The following WBP11 variants were observed in gnomAD, a reference collection of about 807,000 sequenced individuals.
WBP11 encodes WW domain binding protein 11.
A neutral mutation model predicts 66.7 loss-of-function variants in WBP11; 12 were observed. The ratio of observed to expected loss-of-function variants is 0.18; its 90% CI spans 0.12 to 0.29. The LOEUF (loss-of-function observed/expected upper bound fraction) is 0.29. Ranked by LOEUF, WBP11 falls within the 10% of genes least tolerant of loss-of-function variation. WBP11 has a pLI of 1.00. For synonymous variants in WBP11, 255 were observed against 273.8 expected (o/e 0.93, Z 0.68); for missense variants, 555 against 818.3 (o/e 0.68, Z 3.93).
chr12:14,800,446 C>T (rs1949947289), intron 3 of WBP11, among the ~76,000 whole-genome samples: 1 of 151,852 alleles, frequency 6.6e-6, no homozygotes, highest in Non-Finnish European at 1.5e-5. Flanking sequence ...TATTTCCATC[C>T]TCATCAGTAG....
chr12:14,787,111 T>A lies in WBP11; in HGVS notation c.1880A>T (p.Asp627Val). ...TTTCATGAAAGCCTCATAGACATCATCCTTAGTTTGTACTGAGACAGGAAC... is the reference window on the plus strand; with the variant it reads ...TTTCATGAAAGCCTCATAGACATCAACCTTAGTTTGTACTGAGACAGGAAC... ...PSVPVSVQTK[D>V]DVYEAFMKEM... Residue 627 changes from aspartate (D) to valine (V), a missense_variant, in exon 12 of 12, where the codon GAT becomes GTT. Transcript: ENST00000261167. 6.2e-7 allele frequency: 1 copy of A among 1,613,690 alleles called. No homozygotes were observed. The highest frequency in any genetic ancestry group is 8.5e-7 in the Non-Finnish European group (1 of 1,179,908).
chr12:14,791,278 G>T lies in WBP11; in HGVS notation c.914-8C>A, dbSNP rs766362386. 2.5e-6 allele frequency: 4 copies of T among 1,612,928 alleles called. No homozygotes were observed. The highest frequency in any genetic ancestry group is 2.2e-5 in the East Asian group (1 of 44,858). On this transcript the variant is annotated splice_region_variant and splice_polypyrimidine_tract_variant and intron_variant, in intron 8 of 11. Coordinates refer to ENST00000261167, the MANE Select transcript of WBP11 (RefSeq NM_016312.3). Reference sequence around the variant, plus strand: ...CAAACCGTACACTCAGACCTAAGGGGACAAAGGAGGGAGTGGAGTAGATTG... The same window carrying T: ...CAAACCGTACACTCAGACCTAAGGGTACAAAGGAGGGAGTGGAGTAGATTG...
chr12:14,788,152 T>C (rs569454967), intron 11 of WBP11, among the ~76,000 whole-genome samples: 1 of 152,204 alleles, frequency 6.6e-6, no homozygotes, highest in South Asian at 2.1e-4. Context: ...GGCAGGAGAA[T>C]TGCTTGAACC....
At position 14,794,576 on chromosome 12, in the gene WBP11, G is replaced by A. The variant is rs1267493404; in HGVS notation, c.682C>T (p.Arg228Cys). 8.1e-6 allele frequency: 13 copies of A among 1,613,988 alleles called. No homozygotes were observed. Among genetic ancestry groups the A allele is most frequent in the East Asian group, 4.5e-5 (2 of 44,874 alleles). ...KVGFALDLPPRRRDEDMLYSP... is the reference protein window; with the variant it reads ...KVGFALDLPPCRRDEDMLYSP... ...TATAACATGTCTTCATCTCGCCTAC[G>A]AGGGGGAAGATCTAGGGCAAAACCC... The change falls in exon 7 of 12, where the codon CGT (arginine) becomes TGT (cysteine). Residue 228 changes from arginine to cysteine, a missense_variant. Arg to Cys is a radical substitution (Grantham distance 180). This residue lies in a region of WBP11 where 220 missense variants were observed against 268.2 expected (regional missense o/e 0.82). Coordinates refer to ENST00000261167, the MANE Select transcript of WBP11 (RefSeq NM_016312.3).
In WBP11 at chr12:14,796,836, G is replaced by C; in HGVS notation, c.358C>G (p.Gln120Glu). 1 of 1,597,680 alleles carries C rather than the reference G, an allele frequency of 6.3e-7. No individual in the cohort carries two copies. Among genetic ancestry groups the C allele is most frequent in the Non-Finnish European group, 8.5e-7 (1 of 1,175,390 alleles). Residue 120 changes from glutamine (Q) to glutamate (E), a missense_variant, in exon 5 of 12, where the codon CAA (glutamine) becomes GAA (glutamate). Coordinates refer to ENST00000261167, the MANE Select transcript of WBP11 (RefSeq NM_016312.3). The surrounding 1 kb of genome is among the most constrained non-coding windows in gnomAD (Gnocchi z 4.5). ...ACAGCATCAAAATATTGGCTAAGTT[G>C]AGCCCTCTTCTGTTCATATTCTACT... ...LEVEYEQKRA[Q>E]LSQYFDAVKN...
intron 3 of WBP11, among the ~76,000 whole-genome samples, chr12:14,800,245 C>A (rs1255811028): frequency 2.0e-5 from 3 of 151,952 alleles, no homozygotes; most frequent in Admixed American, 2.0e-4. Context: ...TAAGGCAAAT[C>A]CTTTCTAATT....
At position 14,787,433 on chromosome 12, in the gene WBP11, G is replaced by C. The variant is rs755159256; in HGVS notation, c.1558C>G (p.Pro520Ala). Reference protein sequence around the residue: ...PLVPPLGPAPPGLFPPAPLPN... With the variant: ...PLVPPLGPAPAGLFPPAPLPN... ...AAGGGAGCTGGTGGGAACAGCCCAGGGGGGGCAGGTCCAAGGGGAGGCACC... is the reference window on the plus strand; with the variant it reads ...AAGGGAGCTGGTGGGAACAGCCCAGCGGGGGCAGGTCCAAGGGGAGGCACC... Residue 520 changes from proline (P) to alanine (A), a missense_variant, in exon 12 of 12, where the codon CCT becomes GCT. By Grantham distance (27) the Pro-to-Ala change is conservative (BLOSUM62 -1). Coordinates refer to ENST00000261167, the MANE Select transcript of WBP11 (RefSeq NM_016312.3). 9.0e-6 allele frequency: 14 copies of C among 1,551,354 alleles called. No individual in the cohort carries two copies. In the South Asian group the frequency reaches 1.5e-4, roughly 16 times the overall value.
intron 10 of WBP11, 60 bp from the exon 11 acceptor site, chr12:14,789,193 G>C: frequency 1.4e-6 from 2 of 1,424,072 alleles, no homozygotes; most frequent in South Asian, 1.5e-5. Context: ...AATAATTATG[G>C]CTTAAAAGTA....
chr12:14,795,315 C>A (rs1949879558), intron 5 of WBP11, among the ~76,000 whole-genome samples: 1 of 152,152 alleles, frequency 6.6e-6, no homozygotes, highest in Admixed American at 6.5e-5. Flanking sequence ...CAGAACCCAG[C>A]TGTTTTTTTT....
At chr12:14,794,039 C>CAAAAA (rs34287115) in intron 7 of WBP11, 117 bp from the exon 8 acceptor site, 3 of 331,684 alleles carry the variant, frequency 9.0e-6, no homozygotes, top group Non-Finnish European at 1.4e-5. Flanking sequence ...TAATTCTTAC[C>CAAAAA]AAAAAAAAAA....
intron 11 of WBP11, among the ~76,000 whole-genome samples, chr12:14,787,933 CT>C (rs1565671001): frequency 1.3e-5 from 2 of 152,146 alleles, no homozygotes; most frequent in African/African-American, 4.8e-5. Context: ...AATTTTAACC[CT>C]GGTCATCAAA....
At position 14,784,879 on chromosome 12, in the gene WBP11, C is replaced by T. The variant is rs1026108896; in HGVS notation, c.*2186G>A. ...GTAAATTATGATCATAACAAGTGTA[C>T]CCAGAATCAGAACTGCTAATTAATT... On this transcript the variant is annotated 3_prime_UTR_variant, in exon 12 of 12. Transcript: ENST00000261167. 1 of 152,156 alleles carries T rather than the reference C, an allele frequency of 6.6e-6. No homozygotes were observed. Among genetic ancestry groups the T allele is most frequent in the African/African-American group, 2.4e-5 (1 of 41,430 alleles). The allele number at this position is 152,156 out of a possible 1,614,324, so 9.4% of individuals were successfully genotyped here. A position where few individuals can be genotyped will look rare whatever the true frequency, so the allele number is the denominator to read the frequency against.
chr12:14,802,656 C>A (rs563070090), intron 1 of WBP11, among the ~76,000 whole-genome samples: 2 of 150,992 alleles, frequency 1.3e-5, no homozygotes, highest in East Asian at 2.0e-4. Flanking sequence ...CTACCATACA[C>A]CCTGTCAAGT....
chr12:14,796,729 G>A lies in WBP11; in HGVS notation c.387+78C>T. The A allele has an allele frequency of 7.5e-7, 1 of 1,338,386 alleles. No homozygotes were observed. The highest frequency in any genetic ancestry group is 1.0e-6 in the Non-Finnish European group (1 of 993,800). 82.9% of individuals were successfully genotyped at this position (1,338,386 alleles called of 1,614,324 possible). ...CAACCCTAAATCCAAAACACTTCTG[G>A]TCCCAAGCACTTTGCATAAGGGATA... On this transcript the variant is annotated intron_variant, in intron 5 of 11. Transcript: ENST00000261167. This position sits in a 1 kb window ranked among gnomAD's most constrained non-coding sequence, Gnocchi z 4.5.
chr12:14,793,930 G>A lies in WBP11; in HGVS notation c.722-8C>T, dbSNP rs149736846. 1,175 of 1,600,286 alleles carry A rather than the reference G, an allele frequency of 7.3e-4. 16 individuals carry two copies. The African/African-American group carries it at 0.014, about 18-fold the overall frequency. ...CATCATGACCTCGCTGGGCTGAAAA[G>A]TGGGAAGGGAACATGGAGAAGTAGT... On this transcript the variant is annotated splice_polypyrimidine_tract_variant and splice_region_variant and intron_variant, in intron 7 of 11. Transcript: ENST00000261167.
intron 4 of WBP11, among the ~76,000 whole-genome samples, chr12:14,797,833 T>G (rs563390004): frequency 6.6e-6 from 1 of 152,324 alleles, no homozygotes; most frequent in South Asian, 2.1e-4. Context: ...TACACACATA[T>G]ATTCCACCTT....
Position 14,786,325 on chromosome 12 carries a change from A to G in WBP11, c.*740T>C, listed in dbSNP as rs938702541. On this transcript the variant is annotated 3_prime_UTR_variant, in exon 12 of 12. Coordinates refer to ENST00000261167, the MANE Select transcript of WBP11 (RefSeq NM_016312.3). ...AAATAATTACTCCTTTTTATCCCTT[A>G]AAATTTAAAATGTAGTTTTTACCAT... 2.2e-4 allele frequency: 33 copies of G among 152,202 alleles called. No individual in the cohort carries two copies. Among genetic ancestry groups the G allele is most frequent in the African/African-American group, 7.7e-4 (32 of 41,470 alleles). 9.4% of individuals were successfully genotyped at this position (152,202 alleles called of 1,614,324 possible). A position where few individuals can be genotyped will look rare whatever the true frequency, so the allele number is the denominator to read the frequency against.
chr12:14,793,971 A>AC (rs1255381816), intron 7 of WBP11, 49 bp from the exon 8 acceptor site: 1 of 1,419,908 alleles, frequency 7.0e-7, no homozygotes, highest in East Asian at 2.5e-5. Context: ...TGGACCCTCC[A>AC]CTACATGGTA....
intron 9 of WBP11, 106 bp from the exon 10 acceptor site, chr12:14,790,855 A>G: frequency 8.9e-7 from 1 of 1,125,518 alleles, no homozygotes; most frequent in Non-Finnish European, 1.3e-6. Flanking sequence ...TCTCAAAATT[A>G]AAAACCAAAT....
Sources: gnomAD v4.1 joint callset for allele counts (sites outside exome capture counted in the v4.1 genomes callset) on GRCh38, gnomAD v4.1.1 for gene constraint, gnomAD v4.1.1 regional missense constraint, Gnocchi (gnomAD v3.1) non-coding constraint, MANE v1.5 for transcripts, NCBI Gene and HGNC (gene_info 2026-07-23, HGNC 2026-07-21) for gene names.